Variants in HSP90AA1 observed in about 807,000 individuals in gnomAD.
HSP90AA1 encodes heat shock protein HSP 90-alpha.
In HSP90AA1, 18 loss-of-function variants were observed where a neutral mutation model predicts 73.3. The observed-to-expected ratio is 0.25, with a 90% CI of 0.17 to 0.36. The LOEUF (loss-of-function observed/expected upper bound fraction) is 0.36, where lower values mean the gene tolerates loss of function less well. Among genes scored for constraint, HSP90AA1 ranks in the 10% least tolerant of loss-of-function variants. HSP90AA1 has a pLI of 1.00. For missense variants in HSP90AA1, 704 were observed against 874.2 expected (o/e 0.81, Z 2.45); for synonymous variants, 477 against 296.9 (o/e 1.61, Z -6.24).
chr14:102,121,321 T>C (rs181322432), intron 1 of HSP90AA1, among the ~76,000 whole-genome samples: 1 of 152,334 alleles, frequency 6.6e-6, no homozygotes, highest in Non-Finnish European at 1.5e-5. Flanking sequence ...GAATTCTCTA[T>C]TGATGGGTAC....
At chr14:102,137,627 A>C (rs571026477) in intron 1 of HSP90AA1, among the ~76,000 whole-genome samples, 1 of 152,186 alleles carries the variant, frequency 6.6e-6, no homozygotes, top group South Asian at 2.1e-4. Flanking sequence ...CCAGCCATTC[A>C]GGCCTAGTTA....
chr14:102,105,256 C>A (rs2049551886), intron 1 of HSP90AA1, among the ~76,000 whole-genome samples: 2 of 148,688 alleles, frequency 1.3e-5, no homozygotes, highest in Admixed American at 1.4e-4. Flanking sequence ...AAACACTGAT[C>A]TAGTTTACAA....
In HSP90AA1 at chr14:102,084,848, C is replaced by G. The variant is rs763848747; in HGVS notation, c.814G>C (p.Gly272Arg). Residue 272 changes from glycine (G) to arginine (R), a missense_variant, in exon 5 of 11, where the codon GGT (glycine) becomes CGT (arginine). Transcript: ENST00000216281. ...GSDEEEEKKDGDKKKKKKIKE... is the reference protein window; with the variant it reads ...GSDEEEEKKDRDKKKKKKIKE... ...ATCTTCTTCTTCTTCTTCTTGTCAC[C>G]ATCCTTCTTTTCTTCTTCCTCATCA... is the stretch of plus-strand genomic sequence containing the variant. The G allele has an allele frequency of 6.3e-7, 1 of 1,591,664 alleles. No homozygotes were observed. Among genetic ancestry groups the G allele is most frequent in the Non-Finnish European group, 8.6e-7 (1 of 1,159,820 alleles).
chr14:102,106,376 A>G (rs1349793571), intron 1 of HSP90AA1, among the ~76,000 whole-genome samples: 1 of 152,130 alleles, frequency 6.6e-6, no homozygotes, highest in Non-Finnish European at 1.5e-5. Context: ...GGGAAGAGCC[A>G]TCATTTAATC....
At chr14:102,137,546 A>G (rs1167653314) in intron 1 of HSP90AA1, among the ~76,000 whole-genome samples, 1 of 151,678 alleles carries the variant, frequency 6.6e-6, no homozygotes, top group African/African-American at 2.4e-5. Context: ...GGCGGTCTCA[A>G]ACTCCTGACC....
rs1257958323 is a variant in HSP90AA1, at chr14:102,139,341, A to T, written c.64T>A (p.Cys22Ser). 2.5e-6 allele frequency: 4 copies of T among 1,612,770 alleles called. No individual in the cohort carries two copies. The Admixed American group carries it at 6.7e-5, about 27-fold the overall frequency. ...GGGTATTCAGCACTCTGGGCGGGACAGTCCCTGTCCCGAAGGGAGGGCCCA... is the reference window on the plus strand; with the variant it reads ...GGGTATTCAGCACTCTGGGCGGGACTGTCCCTGTCCCGAAGGGAGGGCCCA... Residue 22 changes from cysteine (C) to serine (S), a missense_variant, in exon 1 of 12, where the codon TGT becomes AGT. Cys to Ser is a moderately radical substitution (Grantham distance 112). Coordinates refer to the HSP90AA1 transcript ENST00000334701.
Position 102,082,161 on chromosome 14 carries a change from T to C in HSP90AA1, c.2039A>G (p.Asp680Gly). 2 of 1,613,802 alleles carry C rather than the reference T, an allele frequency of 1.2e-6. No homozygotes were observed. Among genetic ancestry groups the C allele is most frequent in the Non-Finnish European group, 1.7e-6 (2 of 1,179,712 alleles). The change falls in exon 10 of 11, where the codon GAT (aspartate) becomes GGT (glycine). Residue 680 changes from aspartate to glycine, a missense_variant. Physicochemically the swap from Asp to Gly is moderately conservative, Grantham distance 94. Transcript: ENST00000216281. The stretch of plus-strand genomic sequence containing the variant: ...GATCCTGTTAGCATGTGTCTGGGGA[T>C]CTTCCAGACTGAAGCCAGAAGACAG... ...ALLSSGFSLE[D>G]PQTHANRIYR...
At chr14:102,108,983 A>AT (rs1319225542) in intron 1 of HSP90AA1, among the ~76,000 whole-genome samples, 1 of 152,020 alleles carries the variant, frequency 6.6e-6, no homozygotes, top group Admixed American at 6.6e-5. Flanking sequence ...GGACAGCTGA[A>AT]TTTTTTAACT....
intron 2 of HSP90AA1, chr14:102,101,752 TA>T: frequency 1.3e-6 from 1 of 789,914 alleles, no homozygotes; most frequent in South Asian, 1.5e-5. Context: ...AGGCAGGGAA[TA>T]AACAATAAAG....
intron 1 of HSP90AA1, among the ~76,000 whole-genome samples, chr14:102,103,360 C>T (rs1011573584): frequency 1.3e-5 from 2 of 151,634 alleles, no homozygotes; most frequent in African/African-American, 2.4e-5. Context: ...GGGACTACAG[C>T]CGCACACTAC....
At position 102,083,986 on chromosome 14, in the gene HSP90AA1, G is replaced by A. The variant is rs772668778; in HGVS notation, c.1148-3C>T. ...GTCTACCACCCCTCTAATGAAGTCT[G>A]AAAAAAATATAAACCAAATGCACTG... On this transcript the variant is annotated splice_polypyrimidine_tract_variant and splice_region_variant and intron_variant, in intron 6 of 10. Transcript: ENST00000216281. 9.9e-6 allele frequency: 16 copies of A among 1,611,226 alleles called. No homozygotes were observed. Among genetic ancestry groups the A allele is most frequent in the Admixed American group, 3.3e-5 (2 of 59,992 alleles).
At chr14:102,083,342 T>G (rs36092445) in intron 8 of HSP90AA1, 40 bp from the exon 9 acceptor site, 1 of 1,607,714 alleles carries the variant, frequency 6.2e-7, no homozygotes, top group Non-Finnish European at 8.5e-7. Context: ...TTTTAACAGT[T>G]AAGAATGGTT....
chr14:102,116,227 AG>A (rs2049705120), intron 1 of HSP90AA1, among the ~76,000 whole-genome samples: 1 of 151,704 alleles, frequency 6.6e-6, no homozygotes, highest in Non-Finnish European at 1.5e-5. Context: ...TGCTGGGATT[AG>A]AGGCATGAGC....
chr14:102,124,148 T>C (rs982505038), intron 1 of HSP90AA1, among the ~76,000 whole-genome samples: 1 of 152,020 alleles, frequency 6.6e-6, no homozygotes, highest in Non-Finnish European at 1.5e-5. Flanking sequence ...TAGTTACTAT[T>C]TGACAGAGAA....
At chr14:102,085,266 G>A (rs989823056) in intron 4 of HSP90AA1, 32 bp downstream of exon 4, 2 of 1,603,124 alleles carry the variant, frequency 1.2e-6, no homozygotes, top group South Asian at 1.1e-5. Flanking sequence ...CCTACAGACA[G>A]AAATTCACTC....
rs1216315437 is a variant in HSP90AA1, at chr14:102,085,820, T to C, written c.467A>G (p.Asp156Gly). The C allele has an allele frequency of 6.2e-7, 1 of 1,613,838 alleles. No homozygotes were observed. Among genetic ancestry groups the C allele is most frequent in the Non-Finnish European group, 8.5e-7 (1 of 1,179,874 alleles). The change falls in exon 3 of 11, where the codon GAT becomes GGT. Residue 156 changes from aspartate (D) to glycine (G), a missense_variant. By Grantham distance (94) the Asp-to-Gly change is moderately conservative (BLOSUM62 -1). Transcript: ENST00000216281. ...GGACTCCCAAGCGTACTGCTCATCA[T>C]CGTTATGTTTGGTGATCACAGTTAC... is the stretch of plus-strand genomic sequence containing the variant. ...EKVTVITKHN[D>G]DEQYAWESSA...
In HSP90AA1 at chr14:102,084,961, T is replaced by C; in HGVS notation, c.701A>G (p.Glu234Gly). The C allele has an allele frequency of 6.2e-7, 1 of 1,608,948 alleles. No individual in the cohort carries two copies. The highest frequency in any genetic ancestry group is 1.1e-5 in the South Asian group (1 of 90,966). The change falls in exon 5 of 11, where the codon GAG becomes GGG. Residue 234 changes from glutamate to glycine, a missense_variant. Coordinates refer to ENST00000216281, the MANE Select transcript of HSP90AA1 (RefSeq NM_005348.4). Reference protein sequence around the residue: ...KERDKEVSDDEAEEKEDKEEE... With the variant: ...KERDKEVSDDGAEEKEDKEEE... The stretch of plus-strand genomic sequence containing the variant: ...TTCTTTGTCTTCCTTTTCTTCAGCC[T>C]CATCATCGCTTACTTCTTTATCACG...
chr14:102,119,633 C>T (rs923152937), intron 1 of HSP90AA1, among the ~76,000 whole-genome samples: 2 of 152,130 alleles, frequency 1.3e-5, no homozygotes, highest in African/African-American at 2.4e-5. Flanking sequence ...GGATTACAAG[C>T]ACGTGCCACC....
intron 2 of HSP90AA1, among the ~76,000 whole-genome samples, chr14:102,096,498 C>G (rs559015826): frequency 1.6e-4 from 25 of 152,334 alleles, no homozygotes; most frequent in African/African-American, 4.8e-4. Flanking sequence ...GCACCTGGAA[C>G]CTCTTGCGAT....
Sources: gnomAD v4.1 joint callset for allele counts (sites outside exome capture counted in the v4.1 genomes callset) on GRCh38, gnomAD v4.1.1 for gene constraint, MANE v1.5 for transcripts, NCBI Gene and HGNC (gene_info 2026-07-23, HGNC 2026-07-21) for gene names.